The following NAV2 variants were observed in gnomAD, a reference collection of about 807,000 sequenced individuals.
The protein encoded by NAV2 is neuron navigator 2.
In NAV2, 54 loss-of-function variants were observed where a neutral mutation model predicts 223.2. The observed-to-expected ratio is 0.24, with a 90% CI of 0.19 to 0.30. NAV2 has a LOEUF of 0.30. Among genes scored for constraint, NAV2 ranks in the 10% least tolerant of loss-of-function variants. The pLI is 1.00. For synonymous variants in NAV2, 1,279 were observed against 1,239.3 expected (o/e 1.03, Z -0.67); for missense variants, 2,806 against 3,147.5 (o/e 0.89, Z 2.60).
At chr11:19,737,077 A>T (rs1390850519) in intron 1 of NAV2, among the ~76,000 whole-genome samples, 4 of 152,220 alleles carry the variant, frequency 2.6e-5, no homozygotes, top group African/African-American at 9.6e-5. Flanking sequence ...AGGCAACACC[A>T]CTGGGGTAAT....
At chr11:19,714,051 GA>G in intron 1 of NAV2, 89 bp downstream of exon 1, 2 of 1,514,128 alleles carry the variant, frequency 1.3e-6, no homozygotes, top group South Asian at 1.3e-5. Flanking sequence ...CTGGATGGGA[GA>G]AGGGTCTACC....
chr11:19,574,315 A>T (rs2045510437), intron 1 of NAV2, among the ~76,000 whole-genome samples: 1 of 152,246 alleles, frequency 6.6e-6, no homozygotes, highest in Admixed American at 6.5e-5. Flanking sequence ...TATTAGCTAC[A>T]GCCCCCCTCA....
chr11:20,077,662 T>C, intron 23 of NAV2, 27 bp downstream of exon 23: 1 of 1,561,526 alleles, frequency 6.4e-7, no homozygotes, highest in Non-Finnish European at 8.8e-7. Flanking sequence ...ACTTTAACCC[T>C]CCCTACTTGG....
intron 4 of NAV2, among the ~76,000 whole-genome samples, chr11:19,872,621 A>T (rs1306134289): frequency 6.6e-6 from 1 of 152,238 alleles, no homozygotes; most frequent in African/African-American, 2.4e-5. Context: ...AAGGCCCCAT[A>T]GATACATCTC....
intron 1 of NAV2, among the ~76,000 whole-genome samples, chr11:19,745,482 C>T (rs2053260341): frequency 6.6e-6 from 1 of 152,096 alleles, no homozygotes; most frequent in Non-Finnish European, 1.5e-5. Context: ...CTCCACACAC[C>T]TGCTTCCCTA....
At chr11:19,523,868 A>G (rs1244920865) in intron 1 of NAV2, among the ~76,000 whole-genome samples, 1 of 152,170 alleles carries the variant, frequency 6.6e-6, no homozygotes, top group Non-Finnish European at 1.5e-5. Context: ...GTCCCCAGAC[A>G]CTGAAGTTCT....
intron 1 of NAV2, among the ~76,000 whole-genome samples, chr11:19,717,817 G>A (rs909823916): frequency 3.9e-5 from 6 of 152,150 alleles, no homozygotes; most frequent in Non-Finnish European, 7.4e-5. Context: ...AATATTCAAC[G>A]TGGTAGTTAC....
chr11:19,944,162 C>G (rs4757863), intron 8 of NAV2, among the ~76,000 whole-genome samples: 30,099 of 152,120 alleles, frequency 0.2, 3,171 homozygotes, highest in Middle Eastern at 0.36. Flanking sequence ...GATCGTGCCA[C>G]TGCACTCCAG....
chr11:19,597,701 G>A (rs568173891), intron 1 of NAV2, among the ~76,000 whole-genome samples: 1 of 152,352 alleles, frequency 6.6e-6, no homozygotes, highest in African/African-American at 2.4e-5. Context: ...GTGGACCTTT[G>A]TCTCTGTTTT....
chr11:19,502,452 C>T lies in NAV2; in HGVS notation c.75+151425C>T, dbSNP rs138969094. Among the ~76,000 whole-genome samples, 445 of 152,256 alleles carry T rather than the reference C, an allele frequency of 2.9e-3. 2 individuals carry two copies. The highest frequency in any genetic ancestry group is 9.9e-3 in the African/African-American group (410 of 41,554). ...CCTTAGTTAAAATTAAAGGCAGGTACGCTTTGCTGATGACAGCTATAGGTT... is the reference window on the plus strand; with the variant it reads ...CCTTAGTTAAAATTAAAGGCAGGTATGCTTTGCTGATGACAGCTATAGGTT... On this transcript the variant is annotated intron_variant, in intron 1 of 37. Transcript: ENST00000360655.
chr11:19,489,056 C>G (rs550253504), intron 1 of NAV2, among the ~76,000 whole-genome samples: 1 of 152,314 alleles, frequency 6.6e-6, no homozygotes, highest in African/African-American at 2.4e-5. Flanking sequence ...GGGCCCAGAA[C>G]TCAGCATCTC....
chr11:19,729,991 G>T (rs1236315004), intron 1 of NAV2, among the ~76,000 whole-genome samples: 1 of 152,196 alleles, frequency 6.6e-6, no homozygotes, highest in Admixed American at 6.5e-5. Context: ...ACCTTAGGAG[G>T]TAGATAGCTC....
chr11:19,797,057 T>G, intron 1 of NAV2, among the ~76,000 whole-genome samples: 1 of 151,826 alleles, frequency 6.6e-6, no homozygotes, highest in Non-Finnish European at 1.5e-5. Context: ...GTATGAGGGG[T>G]CACTGGCCCC....
chr11:20,010,131 A>C (rs2053443726), intron 11 of NAV2, among the ~76,000 whole-genome samples: 1 of 152,158 alleles, frequency 6.6e-6, no homozygotes, highest in African/African-American at 2.4e-5. Flanking sequence ...TTATTAGTGA[A>C]GCCAGAATTC....
intron 20 of NAV2, among the ~76,000 whole-genome samples, chr11:20,065,388 T>A (rs1194149177): frequency 6.6e-6 from 1 of 152,254 alleles, no homozygotes; most frequent in Non-Finnish European, 1.5e-5. Flanking sequence ...TCATTCTGCA[T>A]GAAATTTGCA....
At chr11:19,775,719 T>C (rs2056100439) in intron 1 of NAV2, among the ~76,000 whole-genome samples, 1 of 152,144 alleles carries the variant, frequency 6.6e-6, no homozygotes, top group Admixed American at 6.5e-5. Flanking sequence ...GTCAGAAGTC[T>C]CCCTGAAGAG....
intron 1 of NAV2, among the ~76,000 whole-genome samples, chr11:19,763,124 G>A (rs966642417): frequency 1.3e-5 from 2 of 152,190 alleles, no homozygotes; most frequent in East Asian, 1.9e-4. Flanking sequence ...TATCTGGACC[G>A]CAGTAGATAT....
At chr11:19,407,956 C>G (rs1849972658) in intron 1 of NAV2, among the ~76,000 whole-genome samples, 1 of 152,080 alleles carries the variant, frequency 6.6e-6, no homozygotes, top group Non-Finnish European at 1.5e-5. Context: ...ACCTCAGGAG[C>G]CCCCCAAGAT....
chr11:19,575,883 A>G (rs1432239479), intron 1 of NAV2, among the ~76,000 whole-genome samples: 2 of 152,202 alleles, frequency 1.3e-5, no homozygotes, highest in African/African-American at 4.8e-5. Flanking sequence ...GCTGTGGACA[A>G]GGTGTGTTCC....
Sources: allele counts gnomAD v4.1 joint callset (sites outside exome capture counted in the v4.1 genomes callset), GRCh38; gene constraint gnomAD v4.1.1; transcripts MANE v1.5; gene names NCBI Gene and HGNC (gene_info 2026-07-23, HGNC 2026-07-21).